Variants in SVIL observed in about 807,000 individuals in gnomAD.
SVIL encodes supervillin.
In SVIL, 101 loss-of-function variants were observed where a neutral mutation model predicts 240.4. The observed-to-expected ratio is 0.42, with a 90% CI of 0.36 to 0.50. SVIL has a LOEUF of 0.50. Among genes scored for constraint, SVIL ranks in the 20% least tolerant of loss-of-function variants. The pLI is 0.01. For synonymous variants in SVIL, 999 were observed against 1,100.0 expected (o/e 0.91, Z 1.82); for missense variants, 2,512 against 2,818.7 (o/e 0.89, Z 2.46).
chr10:29,577,366 ATTATACAACTC>A (rs964153101), intron 1 of SVIL, among the ~76,000 whole-genome samples: 10 of 152,162 alleles, frequency 6.6e-5, no homozygotes, highest in Non-Finnish European at 1.3e-4. Context: ...CCCAAAGTCT[ATTATACAACTC>A]TTACGCCTTT....
chr10:29,532,283 C>G, intron 8 of SVIL, 111 bp from the exon 9 acceptor site: 2 of 1,333,858 alleles, frequency 1.5e-6, no homozygotes, highest in Non-Finnish European at 2.0e-6. Context: ...ACCACCAAAC[C>G]CCTCTTCATG....
chr10:29,526,851 C>T (rs1053689961), intron 13 of SVIL, 110 bp downstream of exon 13: 42 of 895,628 alleles, frequency 4.7e-5, no homozygotes, highest in African/African-American at 3.5e-4. Flanking sequence ...GAACAACTCA[C>T]GGCATTGACT....
intron 1 of SVIL, among the ~76,000 whole-genome samples, chr10:29,571,542 A>T (rs1955419144): frequency 6.6e-6 from 1 of 152,220 alleles, no homozygotes; most frequent in African/African-American, 2.4e-5. Flanking sequence ...GAGAGCCAAA[A>T]ACCCATACTT....
At chr10:29,717,655 T>A (rs1963711241) in intron 1 of SVIL, among the ~76,000 whole-genome samples, 1 of 152,234 alleles carries the variant, frequency 6.6e-6, no homozygotes. Context: ...GTTGAACAGA[T>A]GTAGCTTTGA....
At chr10:29,618,588 T>A (rs1206066452) in intron 1 of SVIL, among the ~76,000 whole-genome samples, 1 of 152,248 alleles carries the variant, frequency 6.6e-6, no homozygotes, top group South Asian at 2.1e-4. Context: ...TTCACTCATG[T>A]GTGACGACTA....
At chr10:29,474,585 ACT>A (rs1316201077) in intron 29 of SVIL, among the ~76,000 whole-genome samples, 1 of 145,292 alleles carries the variant, frequency 6.9e-6, no homozygotes, top group Non-Finnish European at 1.5e-5. Context: ...ACAGAGTGAG[ACT>A]CTCTTACAAA....
chr10:29,573,791 G>T (rs1185833677), intron 1 of SVIL, among the ~76,000 whole-genome samples: 1 of 152,032 alleles, frequency 6.6e-6, no homozygotes, highest in Non-Finnish European at 1.5e-5. Flanking sequence ...CACCTCCCGG[G>T]TTCAAGCGAT....
At position 29,523,906 on chromosome 10, in the gene SVIL, T is replaced by C; in HGVS notation, c.2708A>G (p.Asn903Ser). 6.2e-7 allele frequency: 1 copy of C among 1,614,144 alleles called. No individual in the cohort carries two copies. Among genetic ancestry groups the C allele is most frequent in the Middle Eastern group, 1.6e-4 (1 of 6,062 alleles). Reference protein sequence around the residue: ...DLRTKPPLDHNASATDYKFSS... With the variant: ...DLRTKPPLDHSASATDYKFSS... ...AAACTTATAGTCAGTGGCACTTGCA[T>C]TGTGGTCAAGAGGTGGCTTTGTGCG... The change falls in exon 15 of 38, where the codon AAT (asparagine) becomes AGT (serine). Residue 903 changes from asparagine (N) to serine (S), a missense_variant. By Grantham distance (46) the Asn-to-Ser change is conservative. Around this residue, in one of 3 missense-constraint regions of SVIL, gnomAD observed 1,443 missense variants for 1,486.6 expected, o/e 0.97. Transcript: ENST00000355867.
rs1451896322 is a variant in SVIL at position 29,550,852 on chromosome 10, T to C, written c.572A>G (p.Asp191Gly). 6.2e-7 allele frequency: 1 copy of C among 1,613,904 alleles called. No individual in the cohort carries two copies. The highest frequency in any genetic ancestry group is 1.3e-5 in the African/African-American group (1 of 74,876). Reference protein sequence around the residue: ...ESKDYALHVGDGSSDPEVLLN... With the variant: ...ESKDYALHVGGGSSDPEVLLN... Reference sequence around the variant, plus strand: ...CAGCACCTCCGGGTCGGAAGAGCCGTCACCCACATGGAGGGCATAGTCCTT... The same window carrying C: ...CAGCACCTCCGGGTCGGAAGAGCCGCCACCCACATGGAGGGCATAGTCCTT... Residue 191 changes from aspartate (D) to glycine (G), a missense_variant, in exon 6 of 38, where the codon GAC becomes GGC. This residue lies in a region of SVIL where 1,443 missense variants were observed against 1,486.6 expected (regional missense o/e 0.97). Coordinates refer to ENST00000355867, the MANE Select transcript of SVIL (RefSeq NM_021738.3).
chr10:29,503,612 T>C (rs1949061378), intron 17 of SVIL, among the ~76,000 whole-genome samples: 1 of 152,240 alleles, frequency 6.6e-6, no homozygotes, highest in Non-Finnish European at 1.5e-5. Context: ...CTGGGAAACA[T>C]TGTTCAGAGG....
chr10:29,633,300 C>T (rs1254013619), intron 1 of SVIL, among the ~76,000 whole-genome samples: 1 of 151,346 alleles, frequency 6.6e-6, no homozygotes. Flanking sequence ...ACACATCTGC[C>T]TGGCACTGGG....
intron 17 of SVIL, among the ~76,000 whole-genome samples, chr10:29,499,786 C>T (rs117990968): frequency 7.4e-6 from 1 of 134,854 alleles, no homozygotes; most frequent in Admixed American, 7.5e-5. Flanking sequence ...ACTCTGCTTG[C>T]TTTTTCCTGC....
chr10:29,565,341 G>A (rs1020593965), intron 2 of SVIL, among the ~76,000 whole-genome samples: 22 of 152,140 alleles, frequency 1.4e-4, no homozygotes, highest in African/African-American at 3.6e-4. Context: ...TTATTTTCTC[G>A]AAACACGCTA....
chr10:29,633,764 A>G (rs1177994296), intron 1 of SVIL, among the ~76,000 whole-genome samples: 1 of 152,182 alleles, frequency 6.6e-6, no homozygotes, highest in African/African-American at 2.4e-5. Flanking sequence ...TAAATTACAA[A>G]GAGACCATAG....
chr10:29,557,137 C>G (rs1954006012), intron 3 of SVIL, among the ~76,000 whole-genome samples: 1 of 151,900 alleles, frequency 6.6e-6, no homozygotes, highest in African/African-American at 2.4e-5. Context: ...ATTCTGTCAC[C>G]CAGGCTGGAG....
rs201426565 is a variant in SVIL at position 29,508,348 on chromosome 10, C to T, written c.3516+4387G>A. On this transcript the variant is annotated intron_variant, in intron 17 of 37. Coordinates refer to ENST00000355867, the MANE Select transcript of SVIL (RefSeq NM_021738.3). ...GTGTTAGAGTCAGGCTTACCCAAAG[C>T]AGATTAGAAATGGCACTATCATCCG... 58 of 1,288,956 alleles carry T rather than the reference C, an allele frequency of 4.5e-5. 1 individual carries two copies. The East Asian group carries it at 2.8e-3, about 62-fold the overall frequency. The allele number at this position is 1,288,956 out of a possible 1,614,324, so 79.8% of individuals were successfully genotyped here. A position where few individuals can be genotyped will look rare whatever the true frequency, so the allele number is the denominator to read the frequency against.
intron 12 of SVIL, among the ~76,000 whole-genome samples, chr10:29,527,574 G>C (rs544647795): frequency 1.3e-4 from 19 of 151,608 alleles, no homozygotes; most frequent in African/African-American, 4.1e-4. Context: ...TTACAGGCGC[G>C]CACCACCACG....
intron 2 of SVIL, among the ~76,000 whole-genome samples, chr10:29,664,745 T>C (rs555730967): frequency 2.0e-5 from 3 of 152,080 alleles, no homozygotes; most frequent in Non-Finnish European, 4.4e-5. Context: ...CATTTGTATA[T>C]ATGATGATAA....
chr10:29,459,571 AAAG>A (rs1485953560), intron 36 of SVIL, among the ~76,000 whole-genome samples: 9 of 152,244 alleles, frequency 5.9e-5, no homozygotes, highest in Non-Finnish European at 5.9e-5. Context: ...TGCAATAGAA[AAAG>A]AAGGTCAGAA....
Sources: allele counts gnomAD v4.1 joint callset (sites outside exome capture counted in the v4.1 genomes callset), GRCh38; gene constraint gnomAD v4.1.1; regional missense constraint gnomAD v4.1.1; transcripts MANE v1.5; gene names NCBI Gene and HGNC (gene_info 2026-07-23, HGNC 2026-07-21).